Variants in RBMS1 observed in about 807,000 individuals in gnomAD.
The protein encoded by RBMS1 is RNA binding motif single stranded interacting protein 1, also known as RNA-binding motif, single-stranded-interacting protein 1.
In RBMS1, 17 loss-of-function variants were observed where a neutral mutation model predicts 62.3. That is an observed-to-expected ratio of 0.27 (90% CI 0.19 to 0.41). The LOEUF is 0.41. Ranked by LOEUF, RBMS1 falls within the 10% of genes least tolerant of loss-of-function variation. The pLI is 1.00. For synonymous variants in RBMS1, 172 were observed against 170.0 expected (o/e 1.01, Z -0.09); for missense variants, 334 against 504.5 (o/e 0.66, Z 3.24).
chr2:160,275,821 A>G, intron 12 of RBMS1, 107 bp from the exon 13 acceptor site: 1 of 1,489,714 alleles, frequency 6.7e-7, no homozygotes, highest in Non-Finnish European at 9.1e-7. Context: ...GTTACTCTTT[A>G]AAGTAAATTT....
intron 2 of RBMS1, among the ~76,000 whole-genome samples, chr2:160,335,298 T>G (rs1455146515): frequency 6.6e-6 from 1 of 152,130 alleles, no homozygotes; most frequent in Non-Finnish European, 1.5e-5. Flanking sequence ...AAGCTCCTAC[T>G]CAGAATATGG....
rs1349442120 is a variant in RBMS1 at position 160,450,556 on chromosome 2, T to TAGAAAAAAAAAAAAAAAAAA, written c.75+42732_75+42733insTTTTTTTTTTTTTTTTTTCT. Among the ~76,000 whole-genome samples the TAGAAAAAAAAAAAAAAAAAA allele has an allele frequency of 7.1e-3, 66 of 9,336 alleles. 1 individual carries two copies. The highest frequency in any genetic ancestry group is 0.056 in the Middle Eastern group (1 of 18). 6.1% of individuals were successfully genotyped at this position (9,336 alleles called of 152,430 possible). ...ATTCCATCTCAAAAAAAATAAAAAA[T>TAGAAAAAAAAAAAAAAAAAA]AAAAAATGAAAAAAAAAAAAAAACA... On this transcript the variant is annotated intron_variant, in intron 1 of 13. Transcript: ENST00000348849.
chr2:160,279,662 C>T (rs1023652447), intron 10 of RBMS1: 6 of 152,288 alleles, frequency 3.9e-5, no homozygotes, highest in African/African-American at 1.4e-4. Flanking sequence ...TCTGAGAATG[C>T]AAGTATTCTG....
chr2:160,308,174 G>A (rs1689646112), intron 4 of RBMS1, among the ~76,000 whole-genome samples: 1 of 152,044 alleles, frequency 6.6e-6, no homozygotes, highest in South Asian at 2.1e-4. Flanking sequence ...CAGGTGGATT[G>A]CTTGAGCTCA....
chr2:160,294,899 T>TC (rs1355560160), intron 6 of RBMS1, among the ~76,000 whole-genome samples: 1 of 151,966 alleles, frequency 6.6e-6, no homozygotes, highest in Non-Finnish European at 1.5e-5. Context: ...CTGATAATAA[T>TC]CATATGCCCT....
chr2:160,389,698 CAAAAAAAAAAAAAAAAAA>C (rs61570926), intron 1 of RBMS1, among the ~76,000 whole-genome samples: 1 of 50,376 alleles, frequency 2.0e-5, no homozygotes, highest in Non-Finnish European at 3.3e-5. Context: ...ACTCTTGTCT[CAAAAAAAAAAAAAAAAAA>C]AAAAAAAAAA....
chr2:160,358,714 T>C (rs1161872241), intron 2 of RBMS1, among the ~76,000 whole-genome samples: 1 of 152,168 alleles, frequency 6.6e-6, no homozygotes, highest in Non-Finnish European at 1.5e-5. Flanking sequence ...AGAAAACTCA[T>C]CACTTTAACC....
intron 1 of RBMS1, chr2:160,432,571 G>T (rs1274449176): frequency 6.6e-6 from 1 of 152,218 alleles, no homozygotes; most frequent in African/African-American, 2.4e-5. Flanking sequence ...TTAGAACTGT[G>T]TGAAAACCGA....
intron 1 of RBMS1, chr2:160,493,012 C>T (rs1685913871): frequency 7.7e-6 from 3 of 387,376 alleles, no homozygotes; most frequent in Non-Finnish European, 1.4e-5. Context: ...CACGACCCTC[C>T]CCGCTGGCCG....
rs191909317 is a variant in RBMS1 at position 160,367,407 on chromosome 2, C to G, written c.76-16G>C. On this transcript the variant is annotated splice_polypyrimidine_tract_variant and intron_variant, in intron 1 of 13. Coordinates refer to ENST00000348849, the MANE Select transcript of RBMS1 (RefSeq NM_016836.4). ...CCAGAGACTGCTGGAAAACAAAGATCAGGAGCCTTAGTATGCTAGCATTAG... is the reference window on the plus strand; with the variant it reads ...CCAGAGACTGCTGGAAAACAAAGATGAGGAGCCTTAGTATGCTAGCATTAG... 640 of 1,613,826 alleles carry G rather than the reference C, an allele frequency of 4.0e-4. 1 individual carries two copies. The African/African-American group carries it at 7.8e-3, about 20-fold the overall frequency.
chr2:160,284,489 C>T lies in RBMS1; in HGVS notation c.900+286G>A. On this transcript the variant is annotated intron_variant, in intron 9 of 13. Transcript: ENST00000348849. ...TTTCAATTTTTGGGACACATGGTGT[C>T]CAAAAGCAGGGCCCCTTGGTGAAGG... The T allele has an allele frequency of 7.4e-6, 3 of 403,068 alleles. No individual in the cohort carries two copies. In the South Asian group the frequency reaches 7.5e-5, roughly 10 times the overall value. 25.0% of individuals were successfully genotyped at this position (403,068 alleles called of 1,614,324 possible).
chr2:160,423,260 C>G (rs1481630722), intron 1 of RBMS1, among the ~76,000 whole-genome samples: 1 of 149,422 alleles, frequency 6.7e-6, no homozygotes, highest in Non-Finnish European at 1.5e-5. Context: ...ACATTTTTTA[C>G]TATAAAAGTA....
intron 4 of RBMS1, among the ~76,000 whole-genome samples, chr2:160,309,968 A>C (rs1574257111): frequency 6.6e-6 from 1 of 152,218 alleles, no homozygotes; most frequent in African/African-American, 2.4e-5. Context: ...ATTTTTGTCA[A>C]ATAAACAGTA....
chr2:160,273,151 T>C lies in RBMS1; in HGVS notation c.*1621A>G, dbSNP rs1687657609. 6.6e-6 allele frequency: 1 copy of C among 152,246 alleles called. No homozygotes were observed. The allele number at this position is 152,246 out of a possible 1,614,324, so 9.4% of individuals were successfully genotyped here. A position where few individuals can be genotyped will look rare whatever the true frequency, so the allele number is the denominator to read the frequency against. On this transcript the variant is annotated 3_prime_UTR_variant, in exon 14 of 14. Coordinates refer to ENST00000348849, the MANE Select transcript of RBMS1 (RefSeq NM_016836.4). ...TAACAGTGAATTATCTTATATGTAC[T>C]AAAGTAGAAATAACTGTGTATTTAT...
At chr2:160,324,841 T>C (rs1370101271) in intron 2 of RBMS1, among the ~76,000 whole-genome samples, 1 of 147,628 alleles carries the variant, frequency 6.8e-6, no homozygotes, top group African/African-American at 2.5e-5. Context: ...GCTCCTACTC[T>C]ATGCCAGGCA....
chr2:160,351,680 G>A (rs534113175), intron 2 of RBMS1, among the ~76,000 whole-genome samples: 1 of 152,206 alleles, frequency 6.6e-6, no homozygotes, highest in South Asian at 2.1e-4. Flanking sequence ...GGAAACTGTT[G>A]TGCATCCACT....
chr2:160,492,305 A>G (rs1685865649), intron 1 of RBMS1, among the ~76,000 whole-genome samples: 1 of 152,070 alleles, frequency 6.6e-6, no homozygotes, highest in African/African-American at 2.4e-5. Context: ...TCCAGTCTTC[A>G]TGGCCCAAAT....
chr2:160,348,895 GA>G (rs1692330591), intron 2 of RBMS1, among the ~76,000 whole-genome samples: 5 of 152,046 alleles, frequency 3.3e-5, no homozygotes, highest in Admixed American at 3.3e-4. Context: ...GACTATACTG[GA>G]AGACAGCCCA....
chr2:160,493,582 T>G lies in RBMS1; in HGVS notation c.-219A>C. 4 of 570,722 alleles carry G rather than the reference T, an allele frequency of 7.0e-6. No homozygotes were observed. Among genetic ancestry groups the G allele is most frequent in the Admixed American group, 3.2e-5 (1 of 31,370 alleles). 35.4% of individuals were successfully genotyped at this position (570,722 alleles called of 1,614,324 possible). A position where few individuals can be genotyped will look rare whatever the true frequency, so the allele number is the denominator to read the frequency against. ...CTCCTCCTCCTCCTCTTCCTCCTCC[T>G]CCTCCTCCTCCCAGGCAGAAAGAAA... On this transcript the variant is annotated 5_prime_UTR_variant, in exon 1 of 14. Coordinates refer to ENST00000348849, the MANE Select transcript of RBMS1 (RefSeq NM_016836.4).
Sources: gnomAD v4.1 joint callset for allele counts (sites outside exome capture counted in the v4.1 genomes callset) on GRCh38, gnomAD v4.1.1 for gene constraint, MANE v1.5 for transcripts, NCBI Gene and HGNC (gene_info 2026-07-23, HGNC 2026-07-21) for gene names.